LMO7: variants seen among roughly 807,000 people sequenced by gnomAD.
LMO7 encodes the protein LIM domain only protein 7.
Under a neutral mutation model 206.5 loss-of-function variants are expected in LMO7, and 120 were observed. The ratio of observed to expected loss-of-function variants is 0.58; its 90% CI spans 0.50 to 0.68. The LOEUF is 0.68. LMO7 is among the 30% of genes least tolerant of loss of function. LMO7 has a pLI of 0.00. For missense variants in LMO7, 1,959 were observed against 1,957.9 expected (o/e 1.00, Z -0.01); for synonymous variants, 706 against 681.5 (o/e 1.04, Z -0.56).
intron 3 of LMO7, among the ~76,000 whole-genome samples, chr13:75,752,792 C>T (rs2047376174): frequency 1.3e-5 from 2 of 152,154 alleles, no homozygotes; most frequent in Admixed American, 1.3e-4. Flanking sequence ...AATAGTATTC[C>T]ATTGTGGATG....
At chr13:75,807,395 T>C in intron 9 of LMO7, 85 bp from the exon 10 acceptor site, 1 of 1,418,194 alleles carries the variant, frequency 7.1e-7, no homozygotes, top group East Asian at 2.4e-5. Context: ...GGTCTGCTAA[T>C]CACCTTTGGC....
At chr13:75,755,979 G>A (rs1230818134) in intron 3 of LMO7, among the ~76,000 whole-genome samples, 1 of 152,194 alleles carries the variant, frequency 6.6e-6, no homozygotes, top group Non-Finnish European at 1.5e-5. Context: ...TTTGAAAATT[G>A]TCAGTCTCTT....
chr13:75,669,941 A>C (rs967774384), intron 1 of LMO7, among the ~76,000 whole-genome samples: 5 of 152,180 alleles, frequency 3.3e-5, no homozygotes, highest in African/African-American at 1.2e-4. Flanking sequence ...TGTAGAGAAC[A>C]TCTCTGGTCC....
chr13:75,712,175 C>T lies in LMO7; in HGVS notation c.70-1007C>T, dbSNP rs80194883. Among the ~76,000 whole-genome samples the T allele has an allele frequency of 3.6e-3, 542 of 152,312 alleles. 5 individuals are homozygous for T. The highest frequency in any genetic ancestry group is 0.012 in the African/African-American group (508 of 41,570). ...TGGGGGATGGTGGTAAAGGTCCCTTCGTTGAGCCCTGGAGCCAACCTGGGA... is the reference window on the plus strand; with the variant it reads ...TGGGGGATGGTGGTAAAGGTCCCTTTGTTGAGCCCTGGAGCCAACCTGGGA... On this transcript the variant is annotated intron_variant, in intron 1 of 30. Coordinates refer to ENST00000377534, the MANE Select transcript of LMO7 (RefSeq NM_001306080.2).
At chr13:75,701,255 T>C (rs1185413548) in intron 1 of LMO7, among the ~76,000 whole-genome samples, 12 of 152,302 alleles carry the variant, frequency 7.9e-5, no homozygotes, top group South Asian at 2.1e-4. Flanking sequence ...TTGCAGGAAT[T>C]CTTGTGTAAC....
At chr13:75,737,777 T>TGAAATAAAAAA (rs1555305719) in intron 3 of LMO7, among the ~76,000 whole-genome samples, 1 of 22,702 alleles carries the variant, frequency 4.4e-5, no homozygotes, top group Non-Finnish European at 6.9e-5. Flanking sequence ...TAAAATAAAA[T>TGAAATAAAAAA]AAAATAAAAA....
chr13:75,646,426 A>G (rs1369674594), intron 1 of LMO7, among the ~76,000 whole-genome samples: 1 of 152,180 alleles, frequency 6.6e-6, no homozygotes, highest in East Asian at 1.9e-4. Flanking sequence ...GCTTTCCATT[A>G]CATTAAGAAT....
chr13:75,698,141 A>C (rs1340128046), intron 1 of LMO7, among the ~76,000 whole-genome samples: 1 of 152,212 alleles, frequency 6.6e-6, no homozygotes, highest in East Asian at 1.9e-4. Context: ...TATAATGCAA[A>C]GATGAAACAC....
At chr13:75,805,951 C>T (rs1270438199) in intron 9 of LMO7, 191 bp downstream of exon 9, 2 of 1,136,624 alleles carry the variant, frequency 1.8e-6, no homozygotes, top group African/African-American at 3.1e-5. Flanking sequence ...TCTTAAAAAG[C>T]CCTGTTCTAT....
At chr13:75,854,857 A>G (rs2060790817) in intron 28 of LMO7, 1 of 155,828 alleles carries the variant, frequency 6.4e-6, no homozygotes. Flanking sequence ...AGCTGGGGCC[A>G]CCCTTTTGGT....
At chr13:75,759,717 G>A (rs79629370) in intron 3 of LMO7, among the ~76,000 whole-genome samples, 8,182 of 152,038 alleles carry the variant, frequency 0.054, 512 homozygotes, top group African/African-American at 0.15. Context: ...AATCAGTGGC[G>A]CTTTTCTCTT....
At chr13:75,729,239 T>C (rs1477178739) in intron 3 of LMO7, among the ~76,000 whole-genome samples, 48 of 150,444 alleles carry the variant, frequency 3.2e-4, no homozygotes, top group African/African-American at 1.1e-3. Context: ...TTTCACGATA[T>C]TGATTCTTCC....
At position 75,636,634 on chromosome 13, in the gene LMO7, C is replaced by G. The variant is rs541089930; in HGVS notation, c.-24C>G. On this transcript the variant is annotated 5_prime_UTR_variant, in exon 1 of 31. Coordinates refer to ENST00000377534, the MANE Select transcript of LMO7 (RefSeq NM_001306080.2). ...CCTCCCCTCCACGCATCCCGAGTCT[C>G]TCTCTCCCTCCCTTGTCCTAGCCAT... 5 of 1,571,736 alleles carry G rather than the reference C, an allele frequency of 3.2e-6. No homozygotes were observed. Among genetic ancestry groups the G allele is most frequent in the Non-Finnish European group, 4.3e-6 (5 of 1,158,742 alleles).
rs749281197 is a variant in LMO7 at position 75,807,872 on chromosome 13, C to T, written c.1589C>T (p.Pro530Leu). ...RRIPAQKKEV[P>L]LSGAPDRYHP... ...ATTCCAGCACAGAAGAAAGAAGTGCCGCTGTCTGGGGCCCCAGATAGATAC... is the reference window on the plus strand; with the variant it reads ...ATTCCAGCACAGAAGAAAGAAGTGCTGCTGTCTGGGGCCCCAGATAGATAC... The change falls in exon 10 of 31, where the codon CCG becomes CTG. Residue 530 changes from proline to leucine, a missense_variant. Pro to Leu is a moderately conservative substitution (Grantham distance 98). Transcript: ENST00000377534. The T allele has an allele frequency of 1.5e-5, 24 of 1,613,722 alleles. No individual in the cohort carries two copies. Among genetic ancestry groups the T allele is most frequent in the East Asian group, 8.9e-5 (4 of 44,888 alleles).
chr13:75,699,683 CA>C (rs1825062712), intron 1 of LMO7, among the ~76,000 whole-genome samples: 1 of 152,114 alleles, frequency 6.6e-6, no homozygotes, highest in South Asian at 2.1e-4. Context: ...TAAAATATCA[CA>C]AGGCAAATGG....
intron 1 of LMO7, among the ~76,000 whole-genome samples, chr13:75,667,286 T>A (rs967696810): frequency 3.3e-5 from 5 of 152,172 alleles, no homozygotes; most frequent in African/African-American, 1.2e-4. Flanking sequence ...GCTGGTCTTC[T>A]TGAATCTCTG....
intron 1 of LMO7, among the ~76,000 whole-genome samples, chr13:75,648,382 A>G (rs1308845575): frequency 6.6e-6 from 1 of 152,200 alleles, no homozygotes; most frequent in Non-Finnish European, 1.5e-5. Flanking sequence ...GTTTCTTCCC[A>G]ACACCATGCA....
intron 11 of LMO7, among the ~76,000 whole-genome samples, chr13:75,811,937 C>G (rs993785491): frequency 6.6e-6 from 1 of 152,122 alleles, no homozygotes; most frequent in African/African-American, 2.4e-5. Flanking sequence ...AAGTCACCCA[C>G]ATTTCACTTA....
At chr13:75,829,744 TTCAACAGA>T (rs1188558374) in intron 15 of LMO7, among the ~76,000 whole-genome samples, 1 of 152,104 alleles carries the variant, frequency 6.6e-6, no homozygotes, top group Admixed American at 6.6e-5. Flanking sequence ...AAAATCTTAA[TTCAACAGA>T]TTTAGCAGAA....
Sources: gnomAD v4.1 joint callset for allele counts (sites outside exome capture counted in the v4.1 genomes callset) on GRCh38, gnomAD v4.1.1 for gene constraint, MANE v1.5 for transcripts, NCBI Gene and HGNC (gene_info 2026-07-23, HGNC 2026-07-21) for gene names.